Variants in TASOR observed in about 807,000 individuals in gnomAD.
TASOR encodes the protein transcription activation suppressor.
A neutral mutation model predicts 178.6 loss-of-function variants in TASOR; 53 were observed. The observed-to-expected ratio is 0.30, with a 90% CI of 0.24 to 0.37. TASOR has a LOEUF of 0.37. Among genes scored for constraint, TASOR ranks in the 10% least tolerant of loss-of-function variants. TASOR has a pLI of 1.00. For missense variants in TASOR, 1,815 were observed against 1,971.4 expected (o/e 0.92, Z 1.50); for synonymous variants, 713 against 696.2 (o/e 1.02, Z -0.38).
At position 56,654,149 on chromosome 3, in the gene TASOR, C is replaced by G. The variant is rs147810152; in HGVS notation, c.1369-5092G>C. Among the ~76,000 whole-genome samples, 114 of 152,166 alleles carry G rather than the reference C, an allele frequency of 7.5e-4. 1 individual carries two copies. The Middle Eastern group carries it at 0.027, about 37-fold the overall frequency. ...AGGTGTCATGGAGCATGCCTGTAATCCCAGCTACTTGGGAGGCTGAGGCAG... is the reference window on the plus strand; with the variant it reads ...AGGTGTCATGGAGCATGCCTGTAATGCCAGCTACTTGGGAGGCTGAGGCAG... On this transcript the variant is annotated intron_variant, in intron 11 of 23. Coordinates refer to ENST00000683822, the MANE Select transcript of TASOR (RefSeq NM_001365635.2).
At position 56,668,441 on chromosome 3, in the gene TASOR, G is replaced by A; in HGVS notation, c.853C>T (p.Arg285Ter). 2 of 1,551,624 alleles carry A rather than the reference G, an allele frequency of 1.3e-6. No homozygotes were observed. The highest frequency in any genetic ancestry group is 1.7e-6 in the Non-Finnish European group (2 of 1,146,984). Reference protein sequence around the residue: ...HECHVSKNANRITSLLAYRAY... With the variant: ...HECHVSKNAN Reference sequence around the variant, plus strand: ...CTGTAAGCCAAAAGTGATGTAATTCGATTGGCATTCTTTGACACGTGACAT... The same window carrying A: ...CTGTAAGCCAAAAGTGATGTAATTCAATTGGCATTCTTTGACACGTGACAT... Residue 285 changes from arginine to a stop codon, truncating the protein, a stop_gained, in exon 6 of 24, where the codon CGA becomes TGA. Coordinates refer to ENST00000683822, the MANE Select transcript of TASOR (RefSeq NM_001365635.2). LOFTEE classifies it high-confidence loss of function.
intron 11 of TASOR, among the ~76,000 whole-genome samples, chr3:56,650,546 G>T (rs2077330187): frequency 6.6e-6 from 1 of 152,118 alleles, no homozygotes; most frequent in Non-Finnish European, 1.5e-5. Flanking sequence ...TAAACTTTGG[G>T]GAATCTTTCC....
chr3:56,621,380 G>T lies in TASOR; in HGVS notation c.*1657C>A. 1 of 487,548 alleles carries T rather than the reference G, an allele frequency of 2.1e-6. No homozygotes were observed. The highest frequency in any genetic ancestry group is 3.1e-5 in the East Asian group (1 of 32,254). 30.2% of individuals were successfully genotyped at this position (487,548 alleles called of 1,614,324 possible). A position where few individuals can be genotyped will look rare whatever the true frequency, so the allele number is the denominator to read the frequency against. On this transcript the variant is annotated 3_prime_UTR_variant, in exon 24 of 24. Transcript: ENST00000683822. Reference sequence around the variant, plus strand: ...TGATAGCTATATATCCAAATGAGGTGGTCTAGTACAAGCATTTCTGAAAAA... The same window carrying T: ...TGATAGCTATATATCCAAATGAGGTTGTCTAGTACAAGCATTTCTGAAAAA...
chr3:56,682,392 C>A (rs1011164346), intron 1 of TASOR, among the ~76,000 whole-genome samples: 2 of 152,032 alleles, frequency 1.3e-5, no homozygotes, highest in African/African-American at 4.8e-5. Context: ...GGGAGGGGCG[C>A]CGAGCACCAT....
At chr3:56,677,051 G>C (rs892291280) in intron 1 of TASOR, among the ~76,000 whole-genome samples, 1 of 152,064 alleles carries the variant, frequency 6.6e-6, no homozygotes, top group African/African-American at 2.4e-5. Flanking sequence ...CTATTTTTAA[G>C]GATTTCAAGT....
intron 14 of TASOR, among the ~76,000 whole-genome samples, chr3:56,644,131 G>C (rs1015704467): frequency 2.6e-5 from 4 of 152,162 alleles, no homozygotes; most frequent in African/African-American, 9.7e-5. Context: ...CAATGCTTTG[G>C]AGTCAGTCAG....
intron 18 of TASOR, 124 bp from the exon 19 acceptor site, chr3:56,628,738 A>C: frequency 4.6e-6 from 3 of 654,768 alleles, no homozygotes; most frequent in Non-Finnish European, 7.5e-6. Context: ...CAATGAATGA[A>C]CTTACACTCT....
intron 5 of TASOR, among the ~76,000 whole-genome samples, chr3:56,669,425 C>T (rs1223934389): frequency 6.6e-6 from 1 of 152,098 alleles, no homozygotes; most frequent in Non-Finnish European, 1.5e-5. Flanking sequence ...ATGGCATGAA[C>T]TCGGGAGGCG....
chr3:56,664,970 T>G (rs2077675135), intron 7 of TASOR, among the ~76,000 whole-genome samples: 1 of 151,974 alleles, frequency 6.6e-6, no homozygotes, highest in Non-Finnish European at 1.5e-5. Flanking sequence ...AGGCCAGGAG[T>G]TTGAGACCAG....
At chr3:56,631,673 T>A (rs2076918269) in intron 18 of TASOR, among the ~76,000 whole-genome samples, 2 of 148,918 alleles carry the variant, frequency 1.3e-5, no homozygotes, top group Admixed American at 1.3e-4. Flanking sequence ...AAGCTCCGCC[T>A]CCCGGATTCA....
intron 11 of TASOR, among the ~76,000 whole-genome samples, chr3:56,655,731 T>C (rs989434851): frequency 6.6e-6 from 1 of 152,070 alleles, no homozygotes; most frequent in African/African-American, 2.4e-5. Context: ...AAGGCTGCAG[T>C]AGCTATGATC....
rs2076697315 is a variant in TASOR at position 56,622,164 on chromosome 3, G to A, written c.*873C>T. On this transcript the variant is annotated 3_prime_UTR_variant, in exon 24 of 24. Transcript: ENST00000683822. ...TTTTCAAAAACATTTTTAAAAGTTA[G>A]CATTAGTAACAAGTTAGTAATTAGT... The A allele has an allele frequency of 6.6e-6, 1 of 152,206 alleles. No homozygotes were observed. The highest frequency in any genetic ancestry group is 1.5e-5 in the Non-Finnish European group (1 of 68,066). 9.4% of individuals were successfully genotyped at this position (152,206 alleles called of 1,614,324 possible). A position where few individuals can be genotyped will look rare whatever the true frequency, so the allele number is the denominator to read the frequency against.
At chr3:56,624,380 T>C (rs776181255) in intron 23 of TASOR, 99 bp downstream of exon 23, 5 of 1,180,028 alleles carry the variant, frequency 4.2e-6, no homozygotes, top group Non-Finnish European at 6.1e-6. Context: ...TATACTGAGG[T>C]ACGTGGTTTC....
At chr3:56,663,920 A>G in intron 7 of TASOR, 1 of 914,554 alleles carries the variant, frequency 1.1e-6, no homozygotes, top group Non-Finnish European at 1.3e-6. Context: ...TTAATTCATC[A>G]TTCAGTAAAT....
rs371881332 is a variant in TASOR, at chr3:56,675,217, C to T, written c.332-1492G>A. On this transcript the variant is annotated intron_variant, in intron 1 of 23. Coordinates refer to ENST00000683822, the MANE Select transcript of TASOR (RefSeq NM_001365635.2). ...GAGATGGAGTTTCGCTCTTGTTGCC[C>T]AGGCTGAAGTGCAGTGGCACGATTT... Among the ~76,000 whole-genome samples the T allele has an allele frequency of 1.4e-3, 205 of 151,674 alleles. 11 individuals are homozygous for T. In the South Asian group the frequency reaches 0.041, roughly 30 times the overall value.
intron 9 of TASOR, among the ~76,000 whole-genome samples, chr3:56,661,953 C>A (rs545447089): frequency 7.1e-6 from 1 of 140,846 alleles, no homozygotes; most frequent in South Asian, 2.5e-4. Context: ...GGCAAAAGCC[C>A]CGTCTCTACT....
chr3:56,641,837 A>G lies in TASOR; in HGVS notation c.2216-85T>C, dbSNP rs1441594441. ...AATCAAATATACCTAAAAAATTATC[A>G]TAAAGCATTTATGGTCAGGAACTCA... On this transcript the variant is annotated intron_variant, in intron 14 of 23. Coordinates refer to ENST00000683822, the MANE Select transcript of TASOR (RefSeq NM_001365635.2). The G allele has an allele frequency of 1.0e-5, 14 of 1,378,380 alleles. No individual in the cohort carries two copies. In the Admixed American group the frequency reaches 3.4e-4, roughly 33 times the overall value. 85.4% of individuals were successfully genotyped at this position (1,378,380 alleles called of 1,614,324 possible).
At chr3:56,674,218 A>G (rs1360095037) in intron 1 of TASOR, among the ~76,000 whole-genome samples, 2 of 151,430 alleles carry the variant, frequency 1.3e-5, no homozygotes, top group East Asian at 3.9e-4. Context: ...AAAAAAAAAA[A>G]AAAAAAGCTT....
chr3:56,653,290 G>A (rs4681724), intron 11 of TASOR, among the ~76,000 whole-genome samples: 30,256 of 61,046 alleles, frequency 0.5, 7,034 homozygotes, highest in East Asian at 0.86. Flanking sequence ...AAAAAAAAAA[G>A]AAAAGACAAG....
Sources: gnomAD v4.1 joint callset for allele counts (sites outside exome capture counted in the v4.1 genomes callset) on GRCh38, gnomAD v4.1.1 for gene constraint, MANE v1.5 for transcripts, NCBI Gene and HGNC (gene_info 2026-07-23, HGNC 2026-07-21) for gene names.